Variants in C8orf89 observed in about 807,000 individuals in gnomAD.
C8orf89 encodes the protein putative uncharacterized protein C8orf89.
Under a neutral mutation model 15.8 loss-of-function variants are expected in C8orf89, and 14 were observed. That is an observed-to-expected ratio of 0.89 (90% CI 0.59 to 1.39). C8orf89 has a LOEUF of 1.39. Among genes scored for constraint, C8orf89 ranks in the 40% most tolerant of loss-of-function variants. C8orf89 has a pLI of 0.00. For synonymous variants in C8orf89, 55 were observed against 62.2 expected, an observed-to-expected ratio of 0.88 and a Z score of 0.54; for missense variants, 181 against 184.5, an observed-to-expected ratio of 0.98 and a Z score of 0.11.
chr8:73,244,192 T>C (rs1164216111), intron 3 of C8orf89, among the ~76,000 whole-genome samples: 1 of 152,214 alleles, frequency 6.6e-6, no homozygotes, highest in African/African-American at 2.4e-5. Context: ...TAATCAAACT[T>C]CTATCATAGG....
At position 73,253,568 on chromosome 8, in the gene C8orf89, G is replaced by C. The variant is rs375956572; in HGVS notation, c.282-3245C>G. 4.0e-5 allele frequency among the ~76,000 whole-genome samples: 6 copies of C among 151,684 alleles called. No individual in the cohort carries two copies. In the East Asian group the frequency reaches 7.7e-4, roughly 20 times the overall value. On this transcript the variant is annotated intron_variant, in intron 2 of 3. Coordinates refer to ENST00000624510, the MANE Select transcript of C8orf89 (RefSeq NM_001243237.3). ...CGATATTGATTCTTCCTACCCATGA[G>C]CATGGAATGTTCTTCCATTTGTTTG...
chr8:73,255,835 C>A (rs1212283548), intron 2 of C8orf89, among the ~76,000 whole-genome samples: 7 of 151,490 alleles, frequency 4.6e-5, no homozygotes, highest in Admixed American at 2.0e-4. Flanking sequence ...TGGAAATCAT[C>A]ATTCTCAGTA....
the C8orf89 span, among the ~76,000 whole-genome samples, chr8:73,285,422 A>G: frequency 2.6e-5 from 4 of 152,170 alleles, no homozygotes; most frequent in Non-Finnish European, 5.9e-5. Context: ...CTCCCATCAT[A>G]AAGTGCATCT....
intron 3 of C8orf89, among the ~76,000 whole-genome samples, chr8:73,244,908 T>C (rs1357295128): frequency 6.6e-6 from 1 of 152,230 alleles, no homozygotes; most frequent in African/African-American, 2.4e-5. Flanking sequence ...TAGAAATTTG[T>C]ACACATGTAT....
chr8:73,255,438 A>G (rs1285728970), intron 2 of C8orf89, among the ~76,000 whole-genome samples: 3 of 152,124 alleles, frequency 2.0e-5, no homozygotes, highest in Non-Finnish European at 2.9e-5. Flanking sequence ...CACACCAGTT[A>G]GAATGGCAAT....
At chr8:73,245,546 A>T (rs961436233) in intron 3 of C8orf89, among the ~76,000 whole-genome samples, 9 of 152,132 alleles carry the variant, frequency 5.9e-5, no homozygotes, top group African/African-American at 2.2e-4. Flanking sequence ...ACCAAGTTAC[A>T]ATAAAAGGGA....
At chr8:73,256,525 C>T (rs1240577676) in intron 2 of C8orf89, among the ~76,000 whole-genome samples, 2 of 151,750 alleles carry the variant, frequency 1.3e-5, no homozygotes, top group Non-Finnish European at 2.9e-5. Flanking sequence ...GTCAAGAGAT[C>T]AAGACCATCC....
chr8:73,257,230 G>C, intron 1 of C8orf89, 104 bp from the exon 2 acceptor site: 7 of 696,506 alleles, frequency 1.0e-5, no homozygotes. Context: ...ATTAAGTAAA[G>C]AAAATTAAGC....
Position 73,250,293 on chromosome 8 carries a change from C to T in C8orf89, c.312G>A (p.Val104=). 1 of 1,533,466 alleles carries T rather than the reference C, an allele frequency of 6.5e-7. No homozygotes were observed. Among genetic ancestry groups the T allele is most frequent in the Non-Finnish European group, 8.7e-7 (1 of 1,145,072 alleles). The allele number at this position is 1,533,466 out of a possible 1,614,324, so 95.0% of individuals were successfully genotyped here. ...RLKKTKETCS[V]APLWEKSKGS... is the part of the protein sequence containing the mutation. ...CTTTTGATTTCTCCCAAAGTGGTGCCACACTGCATGTCTCCTTAGTCTTCT... is the reference window on the plus strand; with the variant it reads ...CTTTTGATTTCTCCCAAAGTGGTGCTACACTGCATGTCTCCTTAGTCTTCT... Residue 104 remains valine (V), a synonymous_variant, in exon 3 of 4, where the codon GTG becomes GTA. Transcript: ENST00000624510.
intron 2 of C8orf89, among the ~76,000 whole-genome samples, chr8:73,252,911 G>A (rs1464290519): frequency 1.3e-5 from 2 of 152,116 alleles, no homozygotes; most frequent in Non-Finnish European, 1.5e-5. Flanking sequence ...GGAGGCCGAG[G>A]TGGGTGGATC....
intron 2 of C8orf89, among the ~76,000 whole-genome samples, chr8:73,252,297 G>A (rs1007414547): frequency 3.3e-5 from 5 of 152,158 alleles, no homozygotes; most frequent in African/African-American, 1.2e-4. Flanking sequence ...CTGTGGATCC[G>A]TCAGTGAAAT....
chr8:73,250,295 C>T lies in C8orf89; in HGVS notation c.310G>A (p.Val104Met). 1 of 1,533,152 alleles carries T rather than the reference C, an allele frequency of 6.5e-7. No individual in the cohort carries two copies. Among genetic ancestry groups the T allele is most frequent in the Non-Finnish European group, 8.7e-7 (1 of 1,144,766 alleles). The allele number at this position is 1,533,152 out of a possible 1,614,324, so 95.0% of individuals were successfully genotyped here. A position where few individuals can be genotyped will look rare whatever the true frequency, so the allele number is the denominator to read the frequency against. Reference sequence around the variant, plus strand: ...TTTGATTTCTCCCAAAGTGGTGCCACACTGCATGTCTCCTTAGTCTTCTTT... The same window carrying T: ...TTTGATTTCTCCCAAAGTGGTGCCATACTGCATGTCTCCTTAGTCTTCTTT... ...RLKKTKETCS[V>M]APLWEKSKGS... Residue 104 changes from valine to methionine, a missense_variant, in exon 3 of 4, where the codon GTG becomes ATG. By Grantham distance (21) the Val-to-Met change is conservative (BLOSUM62 1). Transcript: ENST00000624510.
chr8:73,265,488 G>A, the C8orf89 span, among the ~76,000 whole-genome samples: 22 of 152,204 alleles, frequency 1.4e-4, no homozygotes, highest in Non-Finnish European at 2.5e-4. Context: ...TTAATTCTCA[G>A]GAAAGGCTTT....
intron 2 of C8orf89, among the ~76,000 whole-genome samples, chr8:73,254,328 G>T (rs930726597): frequency 1.3e-5 from 2 of 151,874 alleles, no homozygotes; most frequent in African/African-American, 4.8e-5. Flanking sequence ...TGCTGGATTC[G>T]TTTTGCCAGT....
At chr8:73,255,107 A>C (rs1292535546) in intron 2 of C8orf89, among the ~76,000 whole-genome samples, 1 of 152,024 alleles carries the variant, frequency 6.6e-6, no homozygotes. Context: ...CAAAAGCCAA[A>C]ATTGACAAAT....
At chr8:73,270,331 A>G in the C8orf89 span, among the ~76,000 whole-genome samples, 31 of 152,342 alleles carry the variant, frequency 2.0e-4, no homozygotes, top group East Asian at 6.0e-3. Context: ...ACGTATCTGT[A>G]TAAAAAGAAT....
the C8orf89 span, chr8:73,277,420 C>T: frequency 4.2e-6 from 5 of 1,197,342 alleles, no homozygotes; most frequent in Non-Finnish European, 1.2e-6. Flanking sequence ...CAGAACCAGA[C>T]AAAGTAGGTT....
chr8:73,267,562 C>T, the C8orf89 span, among the ~76,000 whole-genome samples: 1 of 152,184 alleles, frequency 6.6e-6, no homozygotes, highest in Non-Finnish European at 1.5e-5. Flanking sequence ...GAAAGTTTCT[C>T]ACAGTATCTC....
At chr8:73,266,501 C>A in the C8orf89 span, among the ~76,000 whole-genome samples, 1 of 152,192 alleles carries the variant, frequency 6.6e-6, no homozygotes, top group Non-Finnish European at 1.5e-5. Flanking sequence ...GTCAGAGAGC[C>A]AGACTACTTC....
Sources: gnomAD v4.1 joint callset for allele counts (sites outside exome capture counted in the v4.1 genomes callset) on GRCh38, gnomAD v4.1.1 for gene constraint, MANE v1.5 for transcripts, NCBI Gene and HGNC (gene_info 2026-07-23, HGNC 2026-07-21) for gene names.